The following PCDHGA6 variants were observed in gnomAD, a reference collection of about 807,000 sequenced individuals.
PCDHGA6 encodes protocadherin gamma-A6.
Under a neutral mutation model 60.6 loss-of-function variants are expected in PCDHGA6, and 41 were observed. The observed-to-expected ratio is 0.68, with a 90% CI of 0.53 to 0.88. PCDHGA6 has a LOEUF of 0.88. Ranked by LOEUF, PCDHGA6 falls within the 40% of genes least tolerant of loss-of-function variation. The pLI, the probability that PCDHGA6 is intolerant of heterozygous loss-of-function variation, is 0.00. For missense variants in PCDHGA6, 1,312 were observed against 1,203.0 expected, an observed-to-expected ratio of 1.09 and a Z score of -1.34; for synonymous variants, 594 against 524.4, an observed-to-expected ratio of 1.13 and a Z score of -1.81.
intron 2 of PCDHGA6, among the ~76,000 whole-genome samples, chr5:141,498,277 G>T (rs1216561939): frequency 6.6e-6 from 1 of 151,924 alleles, no homozygotes; most frequent in African/African-American, 2.4e-5. Flanking sequence ...CAGTAAACTT[G>T]GTTCAAGATC....
intron 1 of PCDHGA6, chr5:141,403,199 A>AC (rs1480420470): frequency 6.2e-7 from 1 of 1,613,812 alleles, no homozygotes; most frequent in African/African-American, 1.3e-5. Flanking sequence ...GCGCAGCGGC[A>AC]CCTTGGTCAC....
chr5:141,406,528 TGAC>T (rs1369720853), intron 1 of PCDHGA6, among the ~76,000 whole-genome samples: 4 of 152,246 alleles, frequency 2.6e-5, no homozygotes, highest in Non-Finnish European at 5.9e-5. Context: ...AGATATTTTC[TGAC>T]GAAGATTCAA....
intron 1 of PCDHGA6, among the ~76,000 whole-genome samples, chr5:141,462,650 TC>T (rs1254671361): frequency 7.3e-6 from 1 of 137,262 alleles, no homozygotes; most frequent in African/African-American, 3.0e-5. Context: ...ATTTCCATCC[TC>T]AATTATCTTC....
At chr5:141,414,748 G>T (rs765780935) in intron 1 of PCDHGA6, 1 of 1,614,182 alleles carries the variant, frequency 6.2e-7, no homozygotes, top group South Asian at 1.1e-5. Context: ...CAGATCCTTC[G>T]ACTATGAGCA....
At position 141,374,042 on chromosome 5, in the gene PCDHGA6, C is replaced by T. The variant is rs757758510; in HGVS notation, c.-42C>T. ...AGAGCAAAAGTGATGCAGATCTGTTCTTCCTCTTCTTAATCCCAGAGAAGT... is the reference window on the plus strand; with the variant it reads ...AGAGCAAAAGTGATGCAGATCTGTTTTTCCTCTTCTTAATCCCAGAGAAGT... On this transcript the variant is annotated 5_prime_UTR_variant, in exon 1 of 4. Transcript: ENST00000517434. 1 of 1,460,408 alleles carries T rather than the reference C, an allele frequency of 6.8e-7. No individual in the cohort carries two copies. Among genetic ancestry groups the T allele is most frequent in the Admixed American group, 2.7e-5 (1 of 36,762 alleles). 90.5% of individuals were successfully genotyped at this position (1,460,408 alleles called of 1,614,324 possible). A position where few individuals can be genotyped will look rare whatever the true frequency, so the allele number is the denominator to read the frequency against.
chr5:141,445,276 C>T (rs761058385), intron 1 of PCDHGA6, among the ~76,000 whole-genome samples: 1 of 152,218 alleles, frequency 6.6e-6, no homozygotes, highest in Non-Finnish European at 1.5e-5. Flanking sequence ...AACCACTCTG[C>T]ATAAGTTCAG....
chr5:141,453,465 A>G (rs1167340749), intron 1 of PCDHGA6, among the ~76,000 whole-genome samples: 2 of 152,098 alleles, frequency 1.3e-5, no homozygotes, highest in African/African-American at 4.8e-5. Flanking sequence ...AAACATTAAC[A>G]TAAAGTCAAA....
Position 141,483,626 on chromosome 5 carries a change from G to A in PCDHGA6, c.2425-11181G>A, listed in dbSNP as rs112905417. On this transcript the variant is annotated intron_variant, in intron 1 of 3. Coordinates refer to ENST00000517434, the MANE Select transcript of PCDHGA6 (RefSeq NM_018919.3). ...TTACACCTCCATCATTCCCATGGGA[G>A]AAGGTATAGAGGGGTGTGTGTTTGT... Among the ~76,000 whole-genome samples the A allele has an allele frequency of 6.0e-4, 90 of 150,886 alleles. 1 individual carries two copies. The highest frequency in any genetic ancestry group is 1.7e-3 in the African/African-American group (69 of 40,378).
rs947607007 is a variant in PCDHGA6, at chr5:141,373,905, A to G, written c.-179A>G. 1.7e-6 allele frequency: 1 copy of G among 603,766 alleles called. No individual in the cohort carries two copies. Among genetic ancestry groups the G allele is most frequent in the Non-Finnish European group, 2.7e-6 (1 of 375,952 alleles). The allele number at this position is 603,766 out of a possible 1,614,324, so 37.4% of individuals were successfully genotyped here. ...AACGGAAACTCAAGTTACATCCTCC[A>G]ACAACAAAGCAAATTAGACGGGAAA... On this transcript the variant is annotated 5_prime_UTR_variant, in exon 1 of 4. Coordinates refer to ENST00000517434, the MANE Select transcript of PCDHGA6 (RefSeq NM_018919.3).
chr5:141,415,098 G>A, intron 1 of PCDHGA6: 5 of 1,613,586 alleles, frequency 3.1e-6, no homozygotes, highest in Non-Finnish European at 4.2e-6. Context: ...ACAGAGACGC[G>A]CTCAAGCAAA....
chr5:141,487,293 C>T lies in PCDHGA6; in HGVS notation c.2425-7514C>T. ...GCAATTTGCTTTGTCTCCTTTGGCT[C>T]ATTCGTGGCACTACTCTCTAAGTGT... is the stretch of plus-strand genomic sequence containing the variant. On this transcript the variant is annotated intron_variant, in intron 1 of 3. Transcript: ENST00000517434. The surrounding 1 kb of genome is among the most constrained non-coding windows in gnomAD (Gnocchi z 5.0). 1 of 1,614,148 alleles carries T rather than the reference C, an allele frequency of 6.2e-7. No individual in the cohort carries two copies. Among genetic ancestry groups the T allele is most frequent in the Non-Finnish European group, 8.5e-7 (1 of 1,180,010 alleles).
At chr5:141,383,396 C>T (rs749879106) in intron 1 of PCDHGA6, 64 of 1,613,910 alleles carry the variant, frequency 4.0e-5, no homozygotes, top group Non-Finnish European at 5.3e-5. Flanking sequence ...GGCACGAACT[C>T]CCTCCAGAGT....
At chr5:141,422,171 T>C (rs1204753893) in intron 1 of PCDHGA6, 4 of 1,564,922 alleles carry the variant, frequency 2.6e-6, no homozygotes, top group Non-Finnish European at 3.4e-6. Context: ...AAATATAGAT[T>C]CTATGAGATG....
In PCDHGA6 at chr5:141,485,578, G is replaced by A; in HGVS notation, c.2425-9229G>A. ...ATGATCACGCCCCCCGTTTTCCGCG[G>A]CAGCAGCTGGACTTGGAAATTGGGG... is the stretch of plus-strand genomic sequence containing the variant. On this transcript the variant is annotated intron_variant, in intron 1 of 3. Transcript: ENST00000517434. This position sits in a 1 kb window ranked among gnomAD's most constrained non-coding sequence, Gnocchi z 5.7. 6.2e-7 allele frequency: 1 copy of A among 1,612,362 alleles called. No homozygotes were observed. Among genetic ancestry groups the A allele is most frequent in the Non-Finnish European group, 8.5e-7 (1 of 1,178,688 alleles).
At position 141,490,982 on chromosome 5, in the gene PCDHGA6, G is replaced by T; in HGVS notation, c.2425-3825G>T. ...CACTCAGCCCCCCAGCGTCTCCCTC[G>T]CTCTGCTCCTCCTGGCTCCTTGGTC... On this transcript the variant is annotated intron_variant, in intron 1 of 3. Coordinates refer to ENST00000517434, the MANE Select transcript of PCDHGA6 (RefSeq NM_018919.3). This position sits in a 1 kb window ranked among gnomAD's most constrained non-coding sequence, Gnocchi z 5.4. 1.2e-6 allele frequency: 2 copies of T among 1,613,994 alleles called. No individual in the cohort carries two copies. The highest frequency in any genetic ancestry group is 1.7e-6 in the Non-Finnish European group (2 of 1,180,002).
At chr5:141,469,511 G>T (rs2099203340) in intron 1 of PCDHGA6, among the ~76,000 whole-genome samples, 2 of 152,038 alleles carry the variant, frequency 1.3e-5, no homozygotes, top group South Asian at 2.1e-4. Flanking sequence ...GGAGGTGGAG[G>T]TTGCAGTGAG....
At position 141,432,275 on chromosome 5, in the gene PCDHGA6, T is replaced by C. The variant is rs775413198; in HGVS notation, c.2424+55768T>C. 2 of 1,614,232 alleles carry C rather than the reference T, an allele frequency of 1.2e-6. No homozygotes were observed. Among genetic ancestry groups the C allele is most frequent in the South Asian group, 2.2e-5 (2 of 91,086 alleles). On this transcript the variant is annotated intron_variant, in intron 1 of 3. Coordinates refer to ENST00000517434, the MANE Select transcript of PCDHGA6 (RefSeq NM_018919.3). This position sits in a 1 kb window ranked among gnomAD's most constrained non-coding sequence, Gnocchi z 6.0. ...AGGGGCAAGCCTATCGTCCTACGTG[T>C]CCATCAACTCCGACACTGGGGTACT... is the stretch of plus-strand genomic sequence containing the variant.
intron 1 of PCDHGA6, among the ~76,000 whole-genome samples, chr5:141,443,521 T>A (rs2098392520): frequency 6.6e-6 from 1 of 152,156 alleles, no homozygotes; most frequent in Admixed American, 6.6e-5. Context: ...TCTCTCCTTA[T>A]GACTTATTTA....
chr5:141,433,354 T>TCTGC, intron 1 of PCDHGA6: 2 of 602,322 alleles, frequency 3.3e-6, no homozygotes, highest in South Asian at 2.1e-5. Context: ...CCACCTACTG[T>TCTGC]CTGCCTATCT....
Sources: allele counts gnomAD v4.1 joint callset (sites outside exome capture counted in the v4.1 genomes callset), GRCh38; gene constraint gnomAD v4.1.1; non-coding constraint Gnocchi (gnomAD v3.1); transcripts MANE v1.5; gene names NCBI Gene and HGNC (gene_info 2026-07-23, HGNC 2026-07-21).